ARB2A: variants seen among roughly 807,000 people sequenced by gnomAD.
ARB2A encodes cotranscriptional regulator ARB2A.
the ARB2A span, among the ~76,000 whole-genome samples, chr5:93,694,064 T>A: frequency 6.6e-6 from 1 of 152,072 alleles, no homozygotes; most frequent in Admixed American, 6.6e-5. Flanking sequence ...GAGCTATTTA[T>A]GACAAACAGC....
chr5:93,739,875 G>A, the ARB2A span: 6 of 151,804 alleles, frequency 4.0e-5, no homozygotes, highest in Non-Finnish European at 7.4e-5. Flanking sequence ...CAGTAACAAA[G>A]GAGTTTAGAA....
chr5:93,667,633 T>C, the ARB2A span, among the ~76,000 whole-genome samples: 19 of 152,238 alleles, frequency 1.2e-4, no homozygotes, highest in African/African-American at 4.3e-4. Context: ...CTTATTTATT[T>C]AGTTTTGTAA....
At chr5:94,104,424 C>T in the ARB2A span, among the ~76,000 whole-genome samples, 1 of 151,246 alleles carries the variant, frequency 6.6e-6, no homozygotes, top group South Asian at 2.1e-4. Flanking sequence ...TGGATAAGTT[C>T]CTCAAAACAT....
the ARB2A span, among the ~76,000 whole-genome samples, chr5:93,976,446 T>A: frequency 9.9e-5 from 15 of 152,178 alleles, no homozygotes; most frequent in African/African-American, 3.6e-4. Flanking sequence ...CTGATATGGT[T>A]TGTTTGGCTC....
At chr5:93,830,335 A>G in the ARB2A span, among the ~76,000 whole-genome samples, 470 of 140,404 alleles carry the variant, frequency 3.3e-3, 13 homozygotes, top group African/African-American at 8.8e-3. Context: ...ATATATATAT[A>G]TATATATATA....
the ARB2A span, among the ~76,000 whole-genome samples, chr5:93,729,752 T>A: frequency 6.6e-6 from 1 of 152,116 alleles, no homozygotes; most frequent in Non-Finnish European, 1.5e-5. Context: ...ATATCTGTAA[T>A]TAGGATAGGT....
chr5:94,061,982 A>G, the ARB2A span, among the ~76,000 whole-genome samples: 1 of 151,806 alleles, frequency 6.6e-6, no homozygotes, highest in Non-Finnish European at 1.5e-5. Flanking sequence ...TAGCTAAACA[A>G]TTTTCTAAAA....
the ARB2A span, among the ~76,000 whole-genome samples, chr5:94,044,795 A>T: frequency 6.6e-6 from 1 of 152,022 alleles, no homozygotes; most frequent in Non-Finnish European, 1.5e-5. Flanking sequence ...TGGCCATGAG[A>T]GTGACCTCTG....
At chr5:93,940,259 A>C in the ARB2A span, among the ~76,000 whole-genome samples, 1 of 152,090 alleles carries the variant, frequency 6.6e-6, no homozygotes, top group Non-Finnish European at 1.5e-5. Flanking sequence ...AAATAGGCAA[A>C]GTATACCAAT....
chr5:94,111,604 T>A, the ARB2A span: 1 of 152,262 alleles, frequency 6.6e-6, no homozygotes, highest in East Asian at 1.9e-4. Context: ...GCGGTTGTTA[T>A]GACTTTCCCT....
chr5:93,800,876 T>G, the ARB2A span, among the ~76,000 whole-genome samples: 4 of 152,152 alleles, frequency 2.6e-5, no homozygotes, highest in Non-Finnish European at 5.9e-5. Flanking sequence ...TCTTTCATTT[T>G]TAAATGATCA....
chr5:94,082,144 T>A, the ARB2A span, among the ~76,000 whole-genome samples: 1 of 152,182 alleles, frequency 6.6e-6, no homozygotes, highest in Non-Finnish European at 1.5e-5. Flanking sequence ...TTCTCTGCAT[T>A]GGCAGTTCTC....
chr5:93,836,319 G>T, the ARB2A span, among the ~76,000 whole-genome samples: 1 of 152,176 alleles, frequency 6.6e-6, no homozygotes, highest in Non-Finnish European at 1.5e-5. Flanking sequence ...GAGCCACCAC[G>T]CCAGGCCTAA....
the ARB2A span, among the ~76,000 whole-genome samples, chr5:93,651,458 G>C: frequency 1.3e-5 from 2 of 152,058 alleles, no homozygotes; most frequent in African/African-American, 4.8e-5. Flanking sequence ...TTCAACCAGA[G>C]AAAATGCCTT....
the ARB2A span, among the ~76,000 whole-genome samples, chr5:93,844,886 G>C: frequency 1.3e-5 from 2 of 152,190 alleles, no homozygotes; most frequent in Non-Finnish European, 2.9e-5. Flanking sequence ...ACATACTGTT[G>C]AGATTCGTGT....
At chr5:94,032,431 T>C in the ARB2A span, among the ~76,000 whole-genome samples, 2 of 152,272 alleles carry the variant, frequency 1.3e-5, no homozygotes, top group South Asian at 4.1e-4. Context: ...GACAGCTTAC[T>C]ATTGCAAAAT....
the ARB2A span, among the ~76,000 whole-genome samples, chr5:93,943,998 T>C: frequency 1.3e-5 from 2 of 152,188 alleles, no homozygotes; most frequent in Non-Finnish European, 2.9e-5. Context: ...TCAGTTCATA[T>C]TGCAGTCAAG....
the ARB2A span, among the ~76,000 whole-genome samples, chr5:93,983,878 C>G: frequency 3.3e-5 from 5 of 152,072 alleles, no homozygotes; most frequent in East Asian, 7.7e-4. Context: ...TACAAATACC[C>G]TGTACTCCTC....
the ARB2A span, among the ~76,000 whole-genome samples, chr5:94,109,978 C>T: frequency 6.6e-6 from 1 of 150,536 alleles, no homozygotes; most frequent in African/African-American, 2.4e-5. Context: ...TCCGCCTTCC[C>T]GGTTCAAGCA....
Sources: gnomAD v4.1 joint callset for allele counts (sites outside exome capture counted in the v4.1 genomes callset) on GRCh38, gnomAD v4.1.1 for gene constraint, MANE v1.5 for transcripts, NCBI Gene and HGNC (gene_info 2026-07-23, HGNC 2026-07-21) for gene names.